The following MYRIP variants were observed in gnomAD, a reference collection of about 807,000 sequenced individuals.
MYRIP encodes the protein rab effector MyRIP.
MYRIP carries 49 observed loss-of-function variants against 98.0 expected under a neutral mutation model. The observed-to-expected ratio is 0.50, with a 90% CI of 0.40 to 0.63. The LOEUF is 0.63. MYRIP is among the 30% of genes least tolerant of loss of function. MYRIP has a pLI of 0.00. For missense variants in MYRIP, 1,004 were observed against 1,058.2 expected (o/e 0.95, Z 0.71); for synonymous variants, 404 against 409.5 (o/e 0.99, Z 0.16).
chr3:40,255,694 T>C (rs970936500), intron 16 of MYRIP, among the ~76,000 whole-genome samples: 1 of 152,204 alleles, frequency 6.6e-6, no homozygotes, highest in Admixed American at 6.5e-5. Context: ...ATTTGGCAGA[T>C]AGTAGAGCAA....
At chr3:39,932,488 G>A (rs1164924562) in intron 2 of MYRIP, among the ~76,000 whole-genome samples, 2 of 152,082 alleles carry the variant, frequency 1.3e-5, no homozygotes, top group Non-Finnish European at 2.9e-5. Context: ...AGCCTCCCAA[G>A]TAGCTGGGAC....
chr3:40,258,343 T>C lies in MYRIP; in HGVS notation c.*177T>C. 2 of 662,808 alleles carry C rather than the reference T, an allele frequency of 3.0e-6. 1 individual carries two copies. Among genetic ancestry groups the C allele is most frequent in the South Asian group, 3.8e-5 (2 of 52,852 alleles). 41.1% of individuals were successfully genotyped at this position (662,808 alleles called of 1,614,324 possible). On this transcript the variant is annotated 3_prime_UTR_variant, in exon 17 of 17. Transcript: ENST00000302541. ...CTCATCCAGAAAGCCGTCTCAGACTTCAGCACTGCGGTCTTGCCCACTCTC... is the reference window on the plus strand; with the variant it reads ...CTCATCCAGAAAGCCGTCTCAGACTCCAGCACTGCGGTCTTGCCCACTCTC...
At chr3:39,915,785 G>A (rs980952315) in intron 2 of MYRIP, among the ~76,000 whole-genome samples, 12 of 151,472 alleles carry the variant, frequency 7.9e-5, no homozygotes, top group Non-Finnish European at 1.5e-4. Flanking sequence ...ATCTGAGACA[G>A]CCAACCTTCC....
At chr3:39,872,045 T>C (rs1242236519) in intron 1 of MYRIP, among the ~76,000 whole-genome samples, 2 of 151,924 alleles carry the variant, frequency 1.3e-5, no homozygotes. Flanking sequence ...GGGCCTGGAG[T>C]TTCATTTATG....
intron 2 of MYRIP, among the ~76,000 whole-genome samples, chr3:40,028,746 T>G (rs72871425): frequency 0.017 from 2,546 of 152,276 alleles, 66 homozygotes; most frequent in African/African-American, 0.056. Flanking sequence ...TAGCCTGTCT[T>G]GCATCATTCT....
chr3:40,013,832 C>T (rs1363742820), intron 2 of MYRIP, among the ~76,000 whole-genome samples: 1 of 152,212 alleles, frequency 6.6e-6, no homozygotes, highest in East Asian at 1.9e-4. Context: ...TTAGGCAGCT[C>T]AGGCATATCT....
chr3:40,230,118 C>T (rs1362716098), intron 11 of MYRIP, among the ~76,000 whole-genome samples: 2 of 152,296 alleles, frequency 1.3e-5, no homozygotes, highest in South Asian at 4.1e-4. Flanking sequence ...GCAAAGCCTC[C>T]TATTGTGTCA....
rs144398792 is a variant in MYRIP, at chr3:40,224,744, TAAG to T, written c.1906-9112_1906-9110del. ...CTTGGCCATCAAGACCTGGATGACT[TAAG>T]AACCCAAACCTTCCTAGAGGTCAGT... On this transcript the variant is annotated intron_variant, in intron 11 of 16. Coordinates refer to ENST00000302541, the MANE Select transcript of MYRIP (RefSeq NM_015460.4). 6.9e-4 allele frequency among the ~76,000 whole-genome samples: 105 copies of T among 152,358 alleles called. 2 individuals carry two copies. In the East Asian group the frequency reaches 0.02, roughly 29 times the overall value.
At chr3:39,848,170 C>T (rs1207709898) in intron 1 of MYRIP, among the ~76,000 whole-genome samples, 1 of 152,182 alleles carries the variant, frequency 6.6e-6, no homozygotes, top group Admixed American at 6.5e-5. Flanking sequence ...GTTGGAGCCA[C>T]ACGGGTGTAG....
intron 1 of MYRIP, among the ~76,000 whole-genome samples, chr3:39,839,847 G>A (rs977676362): frequency 2.6e-4 from 40 of 151,972 alleles, no homozygotes; most frequent in African/African-American, 9.7e-4. Flanking sequence ...AGACTATTAT[G>A]GTTTCCGTTC....
intron 1 of MYRIP, among the ~76,000 whole-genome samples, chr3:39,821,774 T>C (rs1941109701): frequency 6.6e-6 from 1 of 152,164 alleles, no homozygotes; most frequent in Admixed American, 6.5e-5. Context: ...TTTTAATTCA[T>C]GGTGACCAGA....
chr3:40,151,250 G>A, intron 4 of MYRIP, 66 bp downstream of exon 4: 1 of 1,500,970 alleles, frequency 6.7e-7, no homozygotes, highest in Non-Finnish European at 8.9e-7. Context: ...CTGGCTCAGG[G>A]GCCCTGAACA....
chr3:40,185,265 G>C (rs978088856), intron 9 of MYRIP, among the ~76,000 whole-genome samples: 1 of 152,186 alleles, frequency 6.6e-6, no homozygotes, highest in Admixed American at 6.5e-5. Context: ...TTTCAGTCTT[G>C]ACGCTGCTTA....
intron 2 of MYRIP, among the ~76,000 whole-genome samples, chr3:39,982,973 T>G (rs1945932021): frequency 6.6e-6 from 1 of 152,224 alleles, no homozygotes; most frequent in Admixed American, 6.5e-5. Flanking sequence ...AGAAAAGAAT[T>G]TATTGTGATA....
At chr3:39,940,969 A>T (rs1335668459) in intron 2 of MYRIP, among the ~76,000 whole-genome samples, 1 of 152,152 alleles carries the variant, frequency 6.6e-6, no homozygotes, top group African/African-American at 2.4e-5. Flanking sequence ...CTTTTAATGG[A>T]TATTTATTGA....
chr3:40,169,410 A>C (rs1950563751), intron 7 of MYRIP, among the ~76,000 whole-genome samples: 1 of 152,204 alleles, frequency 6.6e-6, no homozygotes, highest in South Asian at 2.1e-4. Flanking sequence ...GGATGGACTC[A>C]CTAAATCCAA....
rs545371213 is a variant in MYRIP at position 39,857,255 on chromosome 3, G to GGAAGGAAGGA, written c.-30-43532_-30-43531insGAAGGAAGGA. On this transcript the variant is annotated intron_variant, in intron 1 of 16. Transcript: ENST00000302541. ...AAAGATAACACAGGAGGGAGGGAGGGAGGAAGGAAGGAAGGAAGGAAGGAA... is the reference window on the plus strand; with the variant it reads ...AAAGATAACACAGGAGGGAGGGAGGGGAAGGAAGGAAGGAAGGAAGGAAGGAAGGAAGGAA... 8.3e-3 allele frequency among the ~76,000 whole-genome samples: 1,126 copies of GGAAGGAAGGA among 135,926 alleles called. 15 individuals are homozygous for GGAAGGAAGGA. The highest frequency in any genetic ancestry group is 0.025 in the African/African-American group (841 of 32,998). 89.2% of individuals were successfully genotyped at this position (135,926 alleles called of 152,430 possible).
Position 40,189,905 on chromosome 3 carries a change from G to A in MYRIP, c.1107G>A (p.Leu369=). ...KDGAPPPTRL[L]AKPKSGTFQA... ...GCGCTCCACCCCCCACCCGACTACT[G>A]GCCAAACCTAAGAGCGGGACGTTTC... is the stretch of plus-strand genomic sequence containing the variant. Residue 369 remains leucine (L), a synonymous_variant, in exon 10 of 17, where the codon CTG becomes CTA. Transcript: ENST00000302541. The A allele has an allele frequency of 6.2e-7, 1 of 1,614,168 alleles. No homozygotes were observed. The highest frequency in any genetic ancestry group is 1.1e-5 in the South Asian group (1 of 91,080).
In MYRIP at chr3:40,190,007, G is replaced by C. The variant is rs369126541; in HGVS notation, c.1209G>C (p.Trp403Cys). Residue 403 changes from tryptophan (W) to cysteine (C), a missense_variant, in exon 10 of 17, where the codon TGG becomes TGC. Trp to Cys is a radical substitution (Grantham distance 215). Around this residue, in one of 3 missense-constraint regions of MYRIP, gnomAD observed 880 missense variants for 907.7 expected, o/e 0.97. Coordinates refer to ENST00000302541, the MANE Select transcript of MYRIP (RefSeq NM_015460.4). Reference protein sequence around the residue: ...MGSDSEEDFDWSEALSKLCPR... With the variant: ...MGSDSEEDFDCSEALSKLCPR... ...CCGATAGCGAGGAAGACTTTGACTG[G>C]AGTGAGGCCTTGAGCAAGCTGTGTC... 1.2e-6 allele frequency: 2 copies of C among 1,614,124 alleles called. No individual in the cohort carries two copies. The highest frequency in any genetic ancestry group is 1.7e-6 in the Non-Finnish European group (2 of 1,180,026).
Sources: gnomAD v4.1 joint callset for allele counts (sites outside exome capture counted in the v4.1 genomes callset) on GRCh38, gnomAD v4.1.1 for gene constraint, gnomAD v4.1.1 regional missense constraint, MANE v1.5 for transcripts, NCBI Gene and HGNC (gene_info 2026-07-23, HGNC 2026-07-21) for gene names.